The following TSHZ3 variants were observed in gnomAD, a reference collection of about 807,000 sequenced individuals.
The protein encoded by TSHZ3 is teashirt homolog 3.
Under a neutral mutation model 64.5 loss-of-function variants are expected in TSHZ3, and 10 were observed. The observed-to-expected ratio is 0.16, with a 90% CI of 0.10 to 0.26. The LOEUF is 0.26. TSHZ3 is among the 10% of genes least tolerant of loss of function. The pLI, the probability that TSHZ3 is intolerant of heterozygous loss-of-function variation, is 1.00. For synonymous variants in TSHZ3, 608 were observed against 593.1 expected (o/e 1.03, Z -0.36); for missense variants, 1,242 against 1,421.7 (o/e 0.87, Z 2.03).
chr19:31,313,448 G>A (rs771759814), intron 1 of TSHZ3, among the ~76,000 whole-genome samples: 7 of 152,218 alleles, frequency 4.6e-5, no homozygotes, highest in African/African-American at 1.2e-4. Context: ...GGAGGGCAGC[G>A]AGGAGTCTGA....
chr19:31,276,974 C>T lies in TSHZ3; in HGVS notation c.2819G>A (p.Gly940Glu). 6.2e-7 allele frequency: 1 copy of T among 1,613,838 alleles called. No homozygotes were observed. Among genetic ancestry groups the T allele is most frequent in the Non-Finnish European group, 8.5e-7 (1 of 1,179,752 alleles). ...QERMHISRFT[G>E]LSMTTISHWL... is the part of the protein sequence containing the mutation. ...GTGGCTGATGGTGGTCATGGACAGC[C>T]CGGTGAACCTGGAGATATGCATCCG... Residue 940 changes from glycine (G) to glutamate (E), a missense_variant, in exon 2 of 2, where the codon GGG becomes GAG. Physicochemically the swap from Gly to Glu is moderately conservative, Grantham distance 98. Around this residue, in one of 4 missense-constraint regions of TSHZ3, gnomAD observed 550 missense variants for 545.1 expected, o/e 1.01. Coordinates refer to ENST00000240587, the MANE Select transcript of TSHZ3 (RefSeq NM_020856.4).
intron 5 of TSHZ3, among the ~76,000 whole-genome samples, chr19:31,189,223 T>C (rs1449555953): frequency 2.0e-5 from 3 of 151,986 alleles, no homozygotes; most frequent in Non-Finnish European, 2.9e-5. Context: ...AAACAACTTC[T>C]TGTTTTATTT....
At chr19:31,297,223 C>T (rs1012489285) in intron 1 of TSHZ3, among the ~76,000 whole-genome samples, 1 of 152,192 alleles carries the variant, frequency 6.6e-6, no homozygotes, top group Non-Finnish European at 1.5e-5. Flanking sequence ...CCCCGCATCC[C>T]CTCAGAGGAT....
intron 1 of TSHZ3, among the ~76,000 whole-genome samples, chr19:31,245,335 C>A (rs549003517): frequency 6.0e-4 from 92 of 152,138 alleles, no homozygotes; most frequent in Non-Finnish European, 1.1e-3. Context: ...AGATAATGTG[C>A]ACAGGACTCA....
At chr19:31,245,158 T>G (rs1165977937) in intron 1 of TSHZ3, among the ~76,000 whole-genome samples, 2 of 152,178 alleles carry the variant, frequency 1.3e-5, no homozygotes, top group East Asian at 3.8e-4. Flanking sequence ...CAAGTCAGTA[T>G]ACAATAAACA....
At chr19:31,332,941 C>T (rs566747356) in intron 1 of TSHZ3, among the ~76,000 whole-genome samples, 1 of 151,680 alleles carries the variant, frequency 6.6e-6, no homozygotes, top group African/African-American at 2.4e-5. Context: ...CCCCATCCTA[C>T]AAAAAATAGA....
intron 5 of TSHZ3, among the ~76,000 whole-genome samples, chr19:31,172,742 C>T (rs140249529): frequency 6.6e-6 from 1 of 152,110 alleles, no homozygotes; most frequent in Non-Finnish European, 1.5e-5. Context: ...CAGTTGGCAG[C>T]GGCAATGTAA....
chr19:31,308,671 A>C (rs1916366200), intron 1 of TSHZ3: 1 of 398,414 alleles, frequency 2.5e-6, no homozygotes, highest in Admixed American at 4.4e-5. Flanking sequence ...TTCTCCACCC[A>C]CCACGTGCTG....
At chr19:31,297,286 C>A (rs1458430843) in intron 1 of TSHZ3, among the ~76,000 whole-genome samples, 1 of 152,174 alleles carries the variant, frequency 6.6e-6, no homozygotes, top group Admixed American at 6.5e-5. Context: ...GTGGACTACT[C>A]GGGGTAGGCG....
chr19:31,272,320 T>C (rs1302310974), downstream of TSHZ3, among the ~76,000 whole-genome samples: 2 of 152,150 alleles, frequency 1.3e-5, no homozygotes, highest in Admixed American at 6.6e-5. Context: ...TGAAGTCACC[T>C]AGCTGGAATG....
intron 1 of TSHZ3, among the ~76,000 whole-genome samples, chr19:31,264,502 A>G (rs1340299069): frequency 6.6e-6 from 1 of 152,026 alleles, no homozygotes; most frequent in African/African-American, 2.4e-5. Context: ...CCTGTGGGAG[A>G]GCCCAGCCTA....
chr19:31,205,674 A>G (rs1263398257), intron 4 of TSHZ3, among the ~76,000 whole-genome samples: 1 of 152,210 alleles, frequency 6.6e-6, no homozygotes, highest in African/African-American at 2.4e-5. Context: ...AAAGAGAGGA[A>G]TGACTGCCCG....
At chr19:31,237,134 C>A in intron 3 of TSHZ3, among the ~76,000 whole-genome samples, 1 of 152,010 alleles carries the variant, frequency 6.6e-6, no homozygotes, top group East Asian at 1.9e-4. Flanking sequence ...GGAGACAGAG[C>A]GAAACTCCGT....
At chr19:31,240,245 C>A (rs961919863) in intron 3 of TSHZ3, among the ~76,000 whole-genome samples, 2 of 151,970 alleles carry the variant, frequency 1.3e-5, no homozygotes, top group Admixed American at 1.3e-4. Flanking sequence ...TCAAGCACCA[C>A]GAAAGCATTT....
chr19:31,224,141 A>G (rs1228011926), intron 4 of TSHZ3, among the ~76,000 whole-genome samples: 2 of 152,208 alleles, frequency 1.3e-5, no homozygotes, highest in Admixed American at 6.5e-5. Context: ...TTTGCTAGAC[A>G]GGTTGGTGCC....
At chr19:31,213,392 T>A (rs1379258361) in intron 4 of TSHZ3, among the ~76,000 whole-genome samples, 850 of 19,304 alleles carry the variant, frequency 0.044, no homozygotes, top group Non-Finnish European at 0.064. Context: ...AAAAAAAAAA[T>A]CAGTGGTGTC....
chr19:31,222,656 G>C (rs191088745), intron 4 of TSHZ3, among the ~76,000 whole-genome samples: 18 of 152,230 alleles, frequency 1.2e-4, no homozygotes, highest in Middle Eastern at 3.4e-3. Flanking sequence ...TATCTTCTAC[G>C]GGGCTTAGCA....
chr19:31,329,906 T>A (rs998407001), intron 1 of TSHZ3, among the ~76,000 whole-genome samples: 1 of 152,148 alleles, frequency 6.6e-6, no homozygotes, highest in Non-Finnish European at 1.5e-5. Flanking sequence ...GTTGTGTGTT[T>A]TTTTTCCACA....
intron 5 of TSHZ3, among the ~76,000 whole-genome samples, chr19:31,156,606 A>G (rs542778881): frequency 6.6e-6 from 1 of 152,236 alleles, no homozygotes; most frequent in East Asian, 1.9e-4. Flanking sequence ...TTTTTTGGTG[A>G]TCACACCTCT....
Sources: allele counts gnomAD v4.1 joint callset (sites outside exome capture counted in the v4.1 genomes callset), GRCh38; gene constraint gnomAD v4.1.1; regional missense constraint gnomAD v4.1.1; transcripts MANE v1.5; gene names NCBI Gene and HGNC (gene_info 2026-07-23, HGNC 2026-07-21).